CAPZB: variants seen among roughly 807,000 people sequenced by gnomAD.
The protein encoded by CAPZB is capping actin protein of muscle Z-line subunit beta.
CAPZB carries 2 observed loss-of-function variants against 38.1 expected under a neutral mutation model. The ratio of observed to expected loss-of-function variants is 0.05; its 90% CI spans 0.02 to 0.17. The LOEUF is 0.17. Among genes scored for constraint, CAPZB ranks in the 10% least tolerant of loss-of-function variants. The pLI is 1.00. For synonymous variants in CAPZB, 107 were observed against 127.4 expected (o/e 0.84, Z 1.08); for missense variants, 161 against 334.2 (o/e 0.48, Z 4.04).
chr1:19,375,467 G>A (rs898773681), intron 4 of CAPZB, among the ~76,000 whole-genome samples: 11 of 152,176 alleles, frequency 7.2e-5, no homozygotes, highest in South Asian at 4.1e-4. Context: ...CCTCTCCTGC[G>A]GGGCCACTCT....
chr1:19,464,263 G>C (rs2094561841), intron 1 of CAPZB, among the ~76,000 whole-genome samples: 1 of 150,440 alleles, frequency 6.6e-6, no homozygotes, highest in Non-Finnish European at 1.5e-5. Context: ...AAAAGAAAAA[G>C]TCCACATAAA....
Position 19,423,516 on chromosome 1 carries a change from C to CTTTT in CAPZB, c.4-3770_4-3767dup, listed in dbSNP as rs11340496. Among the ~76,000 whole-genome samples, 88 of 113,248 alleles carry CTTTT rather than the reference C, an allele frequency of 7.8e-4. 2 individuals are homozygous for CTTTT. Among genetic ancestry groups the CTTTT allele is most frequent in the Non-Finnish European group, 9.6e-4 (56 of 58,318 alleles). 74.3% of individuals were successfully genotyped at this position (113,248 alleles called of 152,430 possible). A position where few individuals can be genotyped will look rare whatever the true frequency, so the allele number is the denominator to read the frequency against. ...TCAATAACAAGCAATAGTGAACATTCTTTTTTTTTTTTTTTTTTTTTTTTT... is the reference window on the plus strand; with the variant it reads ...TCAATAACAAGCAATAGTGAACATTCTTTTTTTTTTTTTTTTTTTTTTTTTTTTT... On this transcript the variant is annotated intron_variant, in intron 1 of 8. Transcript: ENST00000264202.
chr1:19,480,424 T>C (rs2094623768), intron 1 of CAPZB, among the ~76,000 whole-genome samples: 1 of 152,178 alleles, frequency 6.6e-6, no homozygotes, highest in Admixed American at 6.5e-5. Flanking sequence ...CAGACAGGAC[T>C]CAAATCCAGA....
At chr1:19,353,475 C>A (rs544756416) in intron 6 of CAPZB, among the ~76,000 whole-genome samples, 14 of 152,018 alleles carry the variant, frequency 9.2e-5, no homozygotes, top group Non-Finnish European at 2.1e-4. Flanking sequence ...TCTTCCCCTG[C>A]CCTTCTGTTT....
intron 1 of CAPZB, among the ~76,000 whole-genome samples, chr1:19,425,357 T>C (rs2094418502): frequency 6.6e-6 from 1 of 151,958 alleles, no homozygotes; most frequent in East Asian, 1.9e-4. Flanking sequence ...GAGTGTTTCC[T>C]AGGTAACAAG....
Position 19,367,613 on chromosome 1 carries a change from G to A in CAPZB, c.330-10050C>T, listed in dbSNP as rs375962623. On this transcript the variant is annotated intron_variant, in intron 4 of 8. Transcript: ENST00000264202. ...TTTTCACCATGGTTTAGGGAACACG[G>A]CCCAGAGGCTGCCCATGGACACGGG... 7.9e-5 allele frequency among the ~76,000 whole-genome samples: 12 copies of A among 152,258 alleles called. 1 individual carries two copies. The highest frequency in any genetic ancestry group is 1.3e-4 in the Admixed American group (2 of 15,298).
Position 19,357,357 on chromosome 1 carries a change from G to A in CAPZB, c.471+65C>T, listed in dbSNP as rs74951572. 5.1e-4 allele frequency: 737 copies of A among 1,450,044 alleles called. 4 individuals are homozygous for A. In the African/African-American group the frequency reaches 8.4e-3, roughly 17 times the overall value. The allele number at this position is 1,450,044 out of a possible 1,614,324, so 89.8% of individuals were successfully genotyped here. A position where few individuals can be genotyped will look rare whatever the true frequency, so the allele number is the denominator to read the frequency against. ...CCTACTGCATCTGTTAGAGAGCAGC[G>A]CGGCACTGGTTGGTGTGCCATCTGT... On this transcript the variant is annotated intron_variant, in intron 5 of 8. Coordinates refer to ENST00000264202, the MANE Select transcript of CAPZB (RefSeq NM_004930.5). This position sits in a 1 kb window ranked among gnomAD's most constrained non-coding sequence, Gnocchi z 4.3.
At chr1:19,367,399 C>T (rs1228937768) in intron 4 of CAPZB, among the ~76,000 whole-genome samples, 2 of 152,212 alleles carry the variant, frequency 1.3e-5, no homozygotes, top group South Asian at 2.1e-4. Flanking sequence ...AAGGCAACCT[C>T]GACGTGTTGT....
At chr1:19,350,076 G>A (rs1466904262) in intron 6 of CAPZB, among the ~76,000 whole-genome samples, 2 of 152,212 alleles carry the variant, frequency 1.3e-5, no homozygotes, top group Non-Finnish European at 2.9e-5. Context: ...CCCAGCAGGC[G>A]CCTCTCCTCC....
chr1:19,351,345 C>T lies in CAPZB; in HGVS notation c.588+5290G>A, dbSNP rs192544911. ...TTTTTAGAGACAGGGTCTTGCTCTG[C>T]TGCCCAGGCTGGAATGCAATGGTGC... On this transcript the variant is annotated intron_variant, in intron 6 of 8. Coordinates refer to ENST00000264202, the MANE Select transcript of CAPZB (RefSeq NM_004930.5). Among the ~76,000 whole-genome samples the T allele has an allele frequency of 5.8e-3, 865 of 150,412 alleles. 6 individuals carry two copies. The highest frequency in any genetic ancestry group is 0.019 in the African/African-American group (786 of 40,890).
chr1:19,457,610 G>A (rs1348335800), intron 1 of CAPZB, among the ~76,000 whole-genome samples: 2 of 152,164 alleles, frequency 1.3e-5, no homozygotes, highest in Non-Finnish European at 2.9e-5. Flanking sequence ...AATGAGGGAC[G>A]ATGTACTGCT....
intron 4 of CAPZB, among the ~76,000 whole-genome samples, chr1:19,359,903 C>T (rs749171462): frequency 2.6e-5 from 4 of 152,248 alleles, no homozygotes; most frequent in African/African-American, 4.8e-5. Context: ...TTCCGGTCTG[C>T]TCCAAAGTCC....
intron 1 of CAPZB, among the ~76,000 whole-genome samples, chr1:19,453,014 A>T (rs2094521737): frequency 6.6e-6 from 1 of 152,080 alleles, no homozygotes; most frequent in Non-Finnish European, 1.5e-5. Context: ...CATGCTGGCC[A>T]GGCTGGTCTC....
chr1:19,481,183 A>G (rs2094627248), intron 1 of CAPZB, among the ~76,000 whole-genome samples: 1 of 152,338 alleles, frequency 6.6e-6, no homozygotes, highest in African/African-American at 2.4e-5. Context: ...AGTGCATAGC[A>G]TGTGGCTGGT....
chr1:19,417,067 C>G (rs576710354), intron 2 of CAPZB, among the ~76,000 whole-genome samples: 1 of 152,098 alleles, frequency 6.6e-6, no homozygotes, highest in South Asian at 2.1e-4. Context: ...CATTCACCAT[C>G]AATGCTGCAA....
At chr1:19,471,072 A>G (rs1175577198) in intron 1 of CAPZB, among the ~76,000 whole-genome samples, 2 of 152,208 alleles carry the variant, frequency 1.3e-5, no homozygotes, top group Admixed American at 1.3e-4. Flanking sequence ...TTTCCTACAC[A>G]TGCATACCTA....
chr1:19,472,088 C>CAAA, intron 1 of CAPZB, among the ~76,000 whole-genome samples: 1 of 152,170 alleles, frequency 6.6e-6, no homozygotes, highest in South Asian at 2.1e-4. Flanking sequence ...GGCAAAAGGA[C>CAAA]AAGGGTATTC....
chr1:19,426,410 G>A (rs375003049), intron 1 of CAPZB, among the ~76,000 whole-genome samples: 14 of 151,798 alleles, frequency 9.2e-5, no homozygotes, highest in African/African-American at 2.2e-4. Flanking sequence ...CTCTTGCAGC[G>A]TGACTGTGAC....
At position 19,339,227 on chromosome 1, in the gene CAPZB, A is replaced by C; in HGVS notation, c.*303T>G. On this transcript the variant is annotated 3_prime_UTR_variant, in exon 9 of 9. Coordinates refer to ENST00000264202, the MANE Select transcript of CAPZB (RefSeq NM_004930.5). ...GGGAAGGGAGGCTGGCAGACAGTGG[A>C]TTTTATGCCTATAAATGGGGGGACA... 2.4e-6 allele frequency: 1 copy of C among 408,604 alleles called. No homozygotes were observed. The highest frequency in any genetic ancestry group is 4.4e-6 in the Non-Finnish European group (1 of 225,920). The allele number at this position is 408,604 out of a possible 1,614,324, so 25.3% of individuals were successfully genotyped here.
Sources: gnomAD v4.1 joint callset for allele counts (sites outside exome capture counted in the v4.1 genomes callset) on GRCh38, gnomAD v4.1.1 for gene constraint, Gnocchi (gnomAD v3.1) non-coding constraint, MANE v1.5 for transcripts, NCBI Gene and HGNC (gene_info 2026-07-23, HGNC 2026-07-21) for gene names.